The following ADGRB3 variants were observed in gnomAD, a reference collection of about 807,000 sequenced individuals.
The protein encoded by ADGRB3 is brain-specific angiogenesis inhibitor 3.
ADGRB3 carries 37 observed loss-of-function variants against 193.4 expected under a neutral mutation model. That is an observed-to-expected ratio of 0.19 (90% confidence interval 0.15 to 0.25). ADGRB3 has a LOEUF of 0.25. Among genes scored for constraint, ADGRB3 ranks in the 10% least tolerant of loss-of-function variants. ADGRB3 has a pLI of 1.00. For missense variants in ADGRB3, 1,637 were observed against 1,852.9 expected, an observed-to-expected ratio of 0.88 and a Z score of 2.14; for synonymous variants, 690 against 644.2, an observed-to-expected ratio of 1.07 and a Z score of -1.08.
chr6:69,147,436 T>C (rs950479022), intron 17 of ADGRB3, among the ~76,000 whole-genome samples: 6 of 152,160 alleles, frequency 3.9e-5, no homozygotes, highest in Non-Finnish European at 8.8e-5. Flanking sequence ...TGCATTTCCA[T>C]GTTTTTGTAT....
intron 3 of ADGRB3, among the ~76,000 whole-genome samples, chr6:68,776,586 C>T (rs969587946): frequency 3.3e-5 from 5 of 152,168 alleles, no homozygotes; most frequent in African/African-American, 1.2e-4. Context: ...TGCTAACTGA[C>T]ATTTGCAATT....
In ADGRB3 at chr6:69,049,324, G is replaced by A; in HGVS notation, c.2311G>A (p.Asp771Asn). Residue 771 changes from aspartate to asparagine, a missense_variant, in exon 15 of 32, where the codon GAT (aspartate) becomes AAT (asparagine). This residue lies in a region of ADGRB3 where 641 missense variants were observed against 673.9 expected (regional missense o/e 0.95). Transcript: ENST00000370598. ...TGGCGCAGTCCTATACAAAAACTTA[G>A]ATCTAATTTTGCCCACTTTGAGGTA... ...VLGAVLYKNL[D>N]LILPTLRNYT... The A allele has an allele frequency of 6.2e-7, 1 of 1,608,184 alleles. No individual in the cohort carries two copies. Among genetic ancestry groups the A allele is most frequent in the Non-Finnish European group, 8.5e-7 (1 of 1,176,674 alleles).
rs575418426 is a variant in ADGRB3 at position 69,078,057 on chromosome 6, T to C, written c.2480+2019T>C. Reference sequence around the variant, plus strand: ...CACAATAGTTTTATTGATGTAATCATATTGAATTTGAATATAGGTCCTCTA... The same window carrying C: ...CACAATAGTTTTATTGATGTAATCACATTGAATTTGAATATAGGTCCTCTA... On this transcript the variant is annotated intron_variant, in intron 17 of 31. Coordinates refer to ENST00000370598, the MANE Select transcript of ADGRB3 (RefSeq NM_001704.3). Among the ~76,000 whole-genome samples, 54 of 152,144 alleles carry C rather than the reference T, an allele frequency of 3.5e-4. 1 individual carries two copies. Among genetic ancestry groups the C allele is most frequent in the Admixed American group, 2.8e-3 (43 of 15,276 alleles).
At chr6:69,229,522 A>G (rs2127254990) in intron 17 of ADGRB3, among the ~76,000 whole-genome samples, 1 of 152,290 alleles carries the variant, frequency 6.6e-6, no homozygotes, top group East Asian at 1.9e-4. Flanking sequence ...TAAAATTCCT[A>G]AAGTGTATAA....
At chr6:69,241,058 CA>C (rs1255954153) in intron 20 of ADGRB3, among the ~76,000 whole-genome samples, 1 of 151,906 alleles carries the variant, frequency 6.6e-6, no homozygotes, top group African/African-American at 2.4e-5. Flanking sequence ...GCATGATCCA[CA>C]GTACAAAATA....
intron 20 of ADGRB3, among the ~76,000 whole-genome samples, chr6:69,257,624 A>G (rs890981729): frequency 6.6e-6 from 1 of 152,220 alleles, no homozygotes; most frequent in Non-Finnish European, 1.5e-5. Flanking sequence ...AACTCAACTA[A>G]GAACAATTGG....
rs1306033975 is a variant in ADGRB3, at chr6:68,862,896, T to A, written c.758-67663T>A. Among the ~76,000 whole-genome samples the A allele has an allele frequency of 3.3e-5, 5 of 152,284 alleles. No homozygotes were observed. In the East Asian group the frequency reaches 9.6e-4, roughly 29 times the overall value. Reference sequence around the variant, plus strand: ...CAAATGATCAAGATTTTTGTCTCTTTTCTTTCCCTTCCCCTTCCAATTGTC... The same window carrying A: ...CAAATGATCAAGATTTTTGTCTCTTATCTTTCCCTTCCCCTTCCAATTGTC... On this transcript the variant is annotated intron_variant, in intron 3 of 31. Coordinates refer to ENST00000370598, the MANE Select transcript of ADGRB3 (RefSeq NM_001704.3).
intron 3 of ADGRB3, among the ~76,000 whole-genome samples, chr6:68,644,305 T>C (rs1467873756): frequency 6.6e-6 from 1 of 152,182 alleles, no homozygotes; most frequent in Non-Finnish European, 1.5e-5. Context: ...TTTAAAAGTT[T>C]TTAAAATAAC....
chr6:68,857,819 C>T (rs927170382), intron 3 of ADGRB3, among the ~76,000 whole-genome samples: 2 of 152,108 alleles, frequency 1.3e-5, no homozygotes, highest in African/African-American at 4.8e-5. Context: ...TGTCCCCACC[C>T]AAATCTCATC....
chr6:69,037,674 T>C (rs1770913629), intron 13 of ADGRB3, among the ~76,000 whole-genome samples: 1 of 152,134 alleles, frequency 6.6e-6, no homozygotes, highest in Admixed American at 6.6e-5. Flanking sequence ...TCTGCCTGTC[T>C]CTCTTTCTGT....
intron 29 of ADGRB3, among the ~76,000 whole-genome samples, chr6:69,367,586 T>C (rs949990526): frequency 1.3e-5 from 2 of 151,972 alleles, no homozygotes; most frequent in Admixed American, 1.3e-4. Context: ...GTGATTGTGG[T>C]TTTGATTTGC....
intron 6 of ADGRB3, among the ~76,000 whole-genome samples, chr6:68,950,155 A>G (rs930662012): frequency 3.3e-5 from 5 of 152,046 alleles, no homozygotes; most frequent in African/African-American, 4.8e-5. Context: ...CCTGGGCTCA[A>G]GCATCCTCCC....
chr6:69,143,396 A>G (rs1774394246), intron 17 of ADGRB3, among the ~76,000 whole-genome samples: 1 of 152,092 alleles, frequency 6.6e-6, no homozygotes, highest in African/African-American at 2.4e-5. Flanking sequence ...ATGTAATCTC[A>G]TTTGTACATG....
At chr6:68,920,496 G>A (rs1483461420) in intron 3 of ADGRB3, among the ~76,000 whole-genome samples, 1 of 132,384 alleles carries the variant, frequency 7.6e-6, no homozygotes, top group Non-Finnish European at 1.5e-5. Context: ...CAGCCTCGGC[G>A]ACAGAGACTC....
chr6:69,308,189 T>C (rs1274763791), intron 20 of ADGRB3, among the ~76,000 whole-genome samples: 1 of 151,468 alleles, frequency 6.6e-6, no homozygotes, highest in African/African-American at 2.4e-5. Flanking sequence ...GAGTCCTGGC[T>C]CTGCCTCTAC....
intron 3 of ADGRB3, among the ~76,000 whole-genome samples, chr6:68,806,795 A>C (rs993901519): frequency 1.3e-5 from 2 of 152,084 alleles, no homozygotes; most frequent in African/African-American, 4.8e-5. Flanking sequence ...GACTGTTGGA[A>C]TATATACCAT....
chr6:69,034,395 A>G (rs1421895132), intron 13 of ADGRB3, among the ~76,000 whole-genome samples: 5 of 151,642 alleles, frequency 3.3e-5, no homozygotes, highest in African/African-American at 9.6e-5. Context: ...AGAAATATGG[A>G]ATATTTATTT....
chr6:69,304,193 CTT>C (rs1223577824), intron 20 of ADGRB3, among the ~76,000 whole-genome samples: 1 of 151,682 alleles, frequency 6.6e-6, no homozygotes, highest in Non-Finnish European at 1.5e-5. Context: ...GAAACTCAGA[CTT>C]TTTAAATATT....
chr6:69,093,710 A>G (rs1400133133), intron 17 of ADGRB3, among the ~76,000 whole-genome samples: 1 of 151,266 alleles, frequency 6.6e-6, no homozygotes, highest in Non-Finnish European at 1.5e-5. Flanking sequence ...TTCAGGGGCT[A>G]GTAGGTGAGC....
Sources: gnomAD v4.1 joint callset for allele counts (sites outside exome capture counted in the v4.1 genomes callset) on GRCh38, gnomAD v4.1.1 for gene constraint, gnomAD v4.1.1 regional missense constraint, MANE v1.5 for transcripts, NCBI Gene and HGNC (gene_info 2026-07-23, HGNC 2026-07-21) for gene names.